CFAP20DC: variants seen among roughly 807,000 people sequenced by gnomAD.
CFAP20DC encodes protein CFAP20DC.
CFAP20DC carries 84 observed loss-of-function variants against 101.7 expected under a neutral mutation model. That is an observed-to-expected ratio of 0.83 (90% CI 0.69 to 0.99). The LOEUF is 0.99. Ranked by LOEUF, CFAP20DC falls within the 50% of genes least tolerant of loss-of-function variation. The pLI is 0.00. For synonymous variants in CFAP20DC, 359 were observed against 351.2 expected (o/e 1.02, Z -0.25); for missense variants, 1,007 against 970.3 (o/e 1.04, Z -0.50).
chr3:58,831,741 A>C lies in CFAP20DC; in HGVS notation c.2120T>G (p.Val707Gly). 6.2e-7 allele frequency: 1 copy of C among 1,614,082 alleles called. No individual in the cohort carries two copies. The highest frequency in any genetic ancestry group is 1.7e-4 in the Middle Eastern group (1 of 6,060). ...GTCGTCACTGCTGGTACTTATGCTG[A>C]CATTACAGTTGTCCACCTGGGAGGC... is the stretch of plus-strand genomic sequence containing the variant. ...LSASQVDNCN[V>G]SISTSSDDTT... is the part of the protein sequence containing the mutation. The change falls in exon 14 of 17, where the codon GTC becomes GGC. Residue 707 changes from valine to glycine, a missense_variant. Physicochemically the swap from Val to Gly is moderately radical, Grantham distance 109. Transcript: ENST00000482387.
chr3:58,890,429 C>T (rs1349086974), intron 6 of CFAP20DC, among the ~76,000 whole-genome samples: 6 of 116,454 alleles, frequency 5.2e-5, no homozygotes, highest in South Asian at 3.0e-4. Flanking sequence ...GCTGGCCGGG[C>T]GGGGGGGCTG....
chr3:58,790,339 G>A (rs780339896), intron 15 of CFAP20DC, among the ~76,000 whole-genome samples: 9 of 152,320 alleles, frequency 5.9e-5, no homozygotes, highest in Admixed American at 1.3e-4. Flanking sequence ...ATAATGGGTA[G>A]AAGAGGGTGG....
At chr3:58,760,769 C>CT (rs1382936905) in intron 15 of CFAP20DC, among the ~76,000 whole-genome samples, 1 of 152,104 alleles carries the variant, frequency 6.6e-6, no homozygotes, top group African/African-American at 2.4e-5. Flanking sequence ...TGTCAAAGGA[C>CT]TTTTCTGCAT....
In CFAP20DC at chr3:58,869,552, C is replaced by A; in HGVS notation, c.853-62G>T. 7 of 1,287,946 alleles carry A rather than the reference C, an allele frequency of 5.4e-6. No individual in the cohort carries two copies. Among genetic ancestry groups the A allele is most frequent in the East Asian group, 5.1e-5 (2 of 39,356 alleles). The allele number at this position is 1,287,946 out of a possible 1,614,324, so 79.8% of individuals were successfully genotyped here. A position where few individuals can be genotyped will look rare whatever the true frequency, so the allele number is the denominator to read the frequency against. On this transcript the variant is annotated intron_variant, in intron 8 of 16. Coordinates refer to ENST00000482387, the MANE Select transcript of CFAP20DC (RefSeq NM_001394063.1). The surrounding 1 kb of genome is among the most constrained non-coding windows in gnomAD (Gnocchi z 4.3). ...CAACTACATTTGTTTTCTGTAGAAG[C>A]TATATAGAAAACATAATATTTGGAC... is the stretch of plus-strand genomic sequence containing the variant.
chr3:59,046,174 A>C (rs751574609), intron 3 of CFAP20DC, 55 bp downstream of exon 3: 22 of 1,210,634 alleles, frequency 1.8e-5, no homozygotes, highest in Non-Finnish European at 2.5e-5. Flanking sequence ...ATGAGACATA[A>C]AAGCAGAACT....
intron 15 of CFAP20DC, among the ~76,000 whole-genome samples, chr3:58,800,522 C>A (rs1024091247): frequency 6.6e-6 from 1 of 152,048 alleles, no homozygotes; most frequent in Non-Finnish European, 1.5e-5. Context: ...ATCAAGTTAC[C>A]TTTTCAATGG....
At chr3:58,855,501 G>T (rs972652868) in intron 12 of CFAP20DC, among the ~76,000 whole-genome samples, 6 of 152,098 alleles carry the variant, frequency 3.9e-5, no homozygotes, top group South Asian at 2.1e-4. Context: ...ATACCCAAAG[G>T]ACTATAAATC....
chr3:58,937,822 G>T, intron 4 of CFAP20DC, 60 bp from the exon 5 acceptor site: 1 of 892,972 alleles, frequency 1.1e-6, no homozygotes, highest in Non-Finnish European at 1.8e-6. Flanking sequence ...CCACTTCTTT[G>T]GATAATCATC....
chr3:58,773,222 T>A (rs545928365), intron 15 of CFAP20DC, among the ~76,000 whole-genome samples: 2 of 151,836 alleles, frequency 1.3e-5, no homozygotes, highest in Admixed American at 1.3e-4. Context: ...CTAACTTGCA[T>A]GGTCTAAATT....
intron 5 of CFAP20DC, among the ~76,000 whole-genome samples, chr3:58,922,947 CACT>C (rs1395956482): frequency 1.3e-5 from 2 of 152,028 alleles, no homozygotes; most frequent in Admixed American, 1.3e-4. Flanking sequence ...CCATCTCCAC[CACT>C]GTTTGTGTCA....
Position 59,001,679 on chromosome 3 carries a change from G to C in CFAP20DC, c.278+37878C>G, listed in dbSNP as rs1473961848. Among the ~76,000 whole-genome samples, 2 of 152,184 alleles carry C rather than the reference G, an allele frequency of 1.3e-5. No homozygotes were observed. The highest frequency in any genetic ancestry group is 1.3e-4 in the Admixed American group (2 of 15,288). On this transcript the variant is annotated intron_variant, in intron 4 of 16. Coordinates refer to ENST00000482387, the MANE Select transcript of CFAP20DC (RefSeq NM_001394063.1). The surrounding 1 kb of genome is among the most constrained non-coding windows in gnomAD (Gnocchi z 4.5). ...ACCTGCCTTGGCCTCCCAAAGTGCT[G>C]GGGTTACAGGTGTGAGCCACTGTGC...
chr3:58,771,443 A>G (rs1203450035), intron 15 of CFAP20DC, among the ~76,000 whole-genome samples: 1 of 152,146 alleles, frequency 6.6e-6, no homozygotes, highest in Non-Finnish European at 1.5e-5. Flanking sequence ...CAAACAAAAA[A>G]GAAACATAGA....
chr3:58,740,921 C>A (rs2067866924), downstream of CFAP20DC, among the ~76,000 whole-genome samples: 1 of 152,104 alleles, frequency 6.6e-6, no homozygotes, highest in Non-Finnish European at 1.5e-5. This position sits in a 1 kb window ranked among gnomAD's most constrained non-coding sequence, Gnocchi z 4.6. Flanking sequence ...TATTCATTTT[C>A]ATTTTGTTAA....
chr3:58,838,167 T>C (rs1182096577), intron 13 of CFAP20DC, among the ~76,000 whole-genome samples: 1 of 152,152 alleles, frequency 6.6e-6, no homozygotes, highest in Non-Finnish European at 1.5e-5. Flanking sequence ...GTCTCTACCA[T>C]GCAAAGGAGT....
chr3:58,966,056 C>T (rs982291491), intron 4 of CFAP20DC, among the ~76,000 whole-genome samples: 25 of 152,236 alleles, frequency 1.6e-4, no homozygotes, highest in Non-Finnish European at 3.1e-4. Flanking sequence ...AGAAAAACGG[C>T]TGAGTATCAG....
intron 15 of CFAP20DC, among the ~76,000 whole-genome samples, chr3:58,767,338 A>G (rs1222820707): frequency 2.0e-5 from 3 of 152,194 alleles, no homozygotes; most frequent in African/African-American, 7.2e-5. Context: ...CTTTATAGCC[A>G]AGAAAGAAAA....
intron 14 of CFAP20DC, among the ~76,000 whole-genome samples, chr3:58,815,824 C>T (rs1487667237): frequency 6.7e-6 from 1 of 150,304 alleles, no homozygotes; most frequent in East Asian, 2.0e-4. Flanking sequence ...CATCTCACAC[C>T]AGTTAGAATG....
chr3:58,966,977 A>G (rs184714643), intron 4 of CFAP20DC, among the ~76,000 whole-genome samples: 88 of 152,282 alleles, frequency 5.8e-4, no homozygotes, highest in African/African-American at 2.0e-3. Flanking sequence ...ATCTATCCCT[A>G]TCAGAATCCG....
intron 4 of CFAP20DC, among the ~76,000 whole-genome samples, chr3:58,989,863 C>G (rs1576615485): frequency 6.6e-6 from 1 of 152,194 alleles, no homozygotes; most frequent in Non-Finnish European, 1.5e-5. Context: ...ATTAGCAAAG[C>G]ACAAGACAAG....
Sources: gnomAD v4.1 joint callset for allele counts (sites outside exome capture counted in the v4.1 genomes callset) on GRCh38, gnomAD v4.1.1 for gene constraint, Gnocchi (gnomAD v3.1) non-coding constraint, MANE v1.5 for transcripts, NCBI Gene and HGNC (gene_info 2026-07-23, HGNC 2026-07-21) for gene names.